The following SLC2A13 variants were observed in gnomAD, a reference collection of about 807,000 sequenced individuals.
SLC2A13 encodes the protein proton myo-inositol cotransporter.
A neutral mutation model predicts 64.4 loss-of-function variants in SLC2A13; 32 were observed. That is an observed-to-expected ratio of 0.50 (90% CI 0.37 to 0.67). The LOEUF is 0.67. Ranked by LOEUF, SLC2A13 falls within the 30% of genes least tolerant of loss-of-function variation. The probability of loss-of-function intolerance (pLI) is 0.00; values close to 1 mark genes in which losing one functional copy is unlikely to be tolerated. For missense variants in SLC2A13, 743 were observed against 829.2 expected (o/e 0.90, Z 1.28); for synonymous variants, 338 against 327.1 (o/e 1.03, Z -0.36).
At chr12:40,104,290 T>C (rs1372822280) in intron 1 of SLC2A13, among the ~76,000 whole-genome samples, 1 of 152,160 alleles carries the variant, frequency 6.6e-6, no homozygotes, top group East Asian at 1.9e-4. Context: ...AGCCCCCCAC[T>C]TTCCCTCAAA....
At chr12:39,779,834 A>G (rs1940915842) in intron 7 of SLC2A13, among the ~76,000 whole-genome samples, 1 of 152,166 alleles carries the variant, frequency 6.6e-6, no homozygotes, top group Admixed American at 6.5e-5. Context: ...TTCTGATTTT[A>G]TTTTCTTTCC....
At chr12:39,918,255 C>T (rs960072579) in intron 4 of SLC2A13, among the ~76,000 whole-genome samples, 1 of 152,046 alleles carries the variant, frequency 6.6e-6, no homozygotes, top group Non-Finnish European at 1.5e-5. Flanking sequence ...AAGTATAAAC[C>T]CCAAGAGTTA....
chr12:39,772,912 C>T (rs996827066), intron 7 of SLC2A13, among the ~76,000 whole-genome samples: 2 of 152,134 alleles, frequency 1.3e-5, no homozygotes, highest in African/African-American at 4.8e-5. Flanking sequence ...ACTGCAGGCA[C>T]TAACTTGGCA....
In SLC2A13 at chr12:39,832,351, G is replaced by A. The variant is rs183340161; in HGVS notation, c.1320-2123C>T. Among the ~76,000 whole-genome samples, 12 of 152,150 alleles carry A rather than the reference G, an allele frequency of 7.9e-5. No homozygotes were observed. The South Asian group carries it at 2.5e-3, about 32-fold the overall frequency. ...CTTAAATGATACTCATTTGGGAAAG[G>A]TCAACTCACTCATTTGCAGAGAAAT... On this transcript the variant is annotated intron_variant, in intron 6 of 9. Coordinates refer to ENST00000280871, the MANE Select transcript of SLC2A13 (RefSeq NM_052885.4).
At chr12:40,058,541 GA>G (rs1238061616) in intron 1 of SLC2A13, among the ~76,000 whole-genome samples, 1 of 151,514 alleles carries the variant, frequency 6.6e-6, no homozygotes, top group Non-Finnish European at 1.5e-5. Flanking sequence ...GGAATGGACT[GA>G]AAAAAAAGAG....
intron 4 of SLC2A13, among the ~76,000 whole-genome samples, chr12:39,899,192 T>C (rs1945014167): frequency 1.3e-5 from 2 of 152,210 alleles, no homozygotes; most frequent in Admixed American, 1.3e-4. Context: ...ATTGAACTTC[T>C]TCCTGGTTTA....
chr12:39,811,949 C>T (rs1942175857), intron 7 of SLC2A13, among the ~76,000 whole-genome samples: 1 of 152,044 alleles, frequency 6.6e-6, no homozygotes, highest in Admixed American at 6.6e-5. Context: ...CATAGTTTAC[C>T]AATAGAGTTG....
intron 3 of SLC2A13, among the ~76,000 whole-genome samples, chr12:40,003,024 G>A (rs1947345820): frequency 6.6e-6 from 1 of 152,172 alleles, no homozygotes; most frequent in African/African-American, 2.4e-5. Flanking sequence ...CACTGGCTCA[G>A]TGCCCTGCTC....
chr12:39,886,649 A>G (rs1944472702), intron 4 of SLC2A13, among the ~76,000 whole-genome samples: 1 of 152,110 alleles, frequency 6.6e-6, no homozygotes, highest in Non-Finnish European at 1.5e-5. Flanking sequence ...TTAACTCTCT[A>G]CTTTTCTTTA....
At chr12:39,951,691 C>G (rs1477279525) in intron 3 of SLC2A13, among the ~76,000 whole-genome samples, 3 of 152,158 alleles carry the variant, frequency 2.0e-5, no homozygotes, top group Admixed American at 1.3e-4. Flanking sequence ...AGAGATTAAC[C>G]ACTTCCTTTG....
chr12:39,898,038 T>C (rs1229945915), intron 4 of SLC2A13, among the ~76,000 whole-genome samples: 2 of 152,120 alleles, frequency 1.3e-5, no homozygotes, highest in Non-Finnish European at 2.9e-5. Flanking sequence ...TTTTAATGAC[T>C]GAATAGTACA....
rs188641616 is a variant in SLC2A13 at position 39,774,754 on chromosome 12, G to A, written c.1446-9896C>T. 3.4e-4 allele frequency among the ~76,000 whole-genome samples: 52 copies of A among 152,026 alleles called. 1 individual carries two copies. Among genetic ancestry groups the A allele is most frequent in the African/African-American group, 1.2e-3 (51 of 41,480 alleles). On this transcript the variant is annotated intron_variant, in intron 7 of 9. Transcript: ENST00000280871. ...ATTTCAAAAGCCTTAGAAATTTGGA[G>A]CAAAAAGCCACTTTTTTCCTGAATA...
chr12:40,088,663 A>T (rs1938665311), intron 1 of SLC2A13, among the ~76,000 whole-genome samples: 1 of 152,154 alleles, frequency 6.6e-6, no homozygotes. Context: ...AAGACTTTCT[A>T]AAAATGCTTT....
At position 39,757,610 on chromosome 12, in the gene SLC2A13, T is replaced by C. The variant is rs1330916881; in HGVS notation, c.*2416A>G. ...CTTATACTTCAAAGATATGGAATAT[T>C]ATCTTTAACACTATATAAATAACAA... On this transcript the variant is annotated 3_prime_UTR_variant, in exon 10 of 10. Coordinates refer to ENST00000280871, the MANE Select transcript of SLC2A13 (RefSeq NM_052885.4). The C allele has an allele frequency of 1.1e-4, 16 of 151,874 alleles. No homozygotes were observed. The highest frequency in any genetic ancestry group is 1.1e-3 in the Admixed American group (16 of 15,192). 9.4% of individuals were successfully genotyped at this position (151,874 alleles called of 1,614,324 possible). A position where few individuals can be genotyped will look rare whatever the true frequency, so the allele number is the denominator to read the frequency against.
intron 7 of SLC2A13, among the ~76,000 whole-genome samples, chr12:39,825,153 T>C (rs1226000920): frequency 6.6e-6 from 1 of 152,166 alleles, no homozygotes; most frequent in African/African-American, 2.4e-5. Context: ...TGCTGTATTA[T>C]AGGAAACAAA....
At position 39,884,637 on chromosome 12, in the gene SLC2A13, C is replaced by A. The variant is rs1437636969; in HGVS notation, c.1035-12676G>T. Reference sequence around the variant, plus strand: ...GGACTGTTCAGGGAGGGTGGGAGCCCATAACACTGAGGGTGACCGCCATAC... The same window carrying A: ...GGACTGTTCAGGGAGGGTGGGAGCCAATAACACTGAGGGTGACCGCCATAC... On this transcript the variant is annotated intron_variant, in intron 4 of 9. Coordinates refer to ENST00000280871, the MANE Select transcript of SLC2A13 (RefSeq NM_052885.4). Among the ~76,000 whole-genome samples, 3 of 152,046 alleles carry A rather than the reference C, an allele frequency of 2.0e-5. No homozygotes were observed. In the East Asian group the frequency reaches 5.8e-4, roughly 29 times the overall value.
intron 4 of SLC2A13, among the ~76,000 whole-genome samples, chr12:39,917,389 AGGT>A (rs748330652): frequency 5.3e-5 from 8 of 152,116 alleles, no homozygotes; most frequent in Non-Finnish European, 8.8e-5. Flanking sequence ...GAGTCTCTGT[AGGT>A]AGTTCAGTGT....
intron 7 of SLC2A13, among the ~76,000 whole-genome samples, chr12:39,799,031 A>G (rs1277947348): frequency 6.7e-6 from 1 of 150,128 alleles, no homozygotes; most frequent in Admixed American, 6.6e-5. Context: ...TCCCCACTTC[A>G]GATAATACAG....
At chr12:40,097,443 T>C (rs1938986871) in intron 1 of SLC2A13, among the ~76,000 whole-genome samples, 1 of 152,040 alleles carries the variant, frequency 6.6e-6, no homozygotes, top group Non-Finnish European at 1.5e-5. Context: ...ACCAATGGAA[T>C]GAAAGAAAAC....
Sources: allele counts gnomAD v4.1 joint callset (sites outside exome capture counted in the v4.1 genomes callset), GRCh38; gene constraint gnomAD v4.1.1; transcripts MANE v1.5; gene names NCBI Gene and HGNC (gene_info 2026-07-23, HGNC 2026-07-21).